The following SMYD4 variants were observed in gnomAD, a reference collection of about 807,000 sequenced individuals.
SMYD4 encodes protein-lysine N-methyltransferase SMYD4.
A neutral mutation model predicts 72.8 loss-of-function variants in SMYD4; 68 were observed. The ratio of observed to expected loss-of-function variants is 0.93; its 90% confidence interval spans 0.77 to 1.14. The LOEUF (loss-of-function observed/expected upper bound fraction) is 1.14. SMYD4 is among the 50% of genes most tolerant of loss of function. The pLI is 0.00. For missense variants in SMYD4, 984 were observed against 1,003.7 expected, an observed-to-expected ratio of 0.98 and a Z score of 0.27; for synonymous variants, 407 against 388.6, an observed-to-expected ratio of 1.05 and a Z score of -0.56.
chr17:1,805,788 G>A (rs186081497), intron 3 of SMYD4, among the ~76,000 whole-genome samples: 59 of 151,166 alleles, frequency 3.9e-4, no homozygotes, highest in African/African-American at 1.4e-3. Context: ...CTCCAGTCTG[G>A]GCAGCAGAGT....
chr17:1,793,974 C>A (rs1293144523), intron 5 of SMYD4, among the ~76,000 whole-genome samples: 1 of 126,392 alleles, frequency 7.9e-6, no homozygotes, highest in South Asian at 2.5e-4. Flanking sequence ...GCATCCACCA[C>A]CACGCTTGGC....
chr17:1,820,246 TTTG>T (rs1220339504), intron 2 of SMYD4, among the ~76,000 whole-genome samples: 6 of 152,240 alleles, frequency 3.9e-5, no homozygotes, highest in African/African-American at 1.2e-4. Context: ...TATGTTCTTT[TTTG>T]TTGTTTTTGA....
intron 8 of SMYD4, 105 bp from the exon 9 acceptor site, chr17:1,783,581 T>A (rs765370418): frequency 8.7e-6 from 13 of 1,496,288 alleles, no homozygotes; most frequent in Non-Finnish European, 1.2e-5. Flanking sequence ...AATGTGGAAA[T>A]TCCCCCTGGC....
At chr17:1,799,086 C>T (rs981549100) in intron 5 of SMYD4, among the ~76,000 whole-genome samples, 44 of 151,464 alleles carry the variant, frequency 2.9e-4, no homozygotes, top group African/African-American at 8.7e-4. Flanking sequence ...GGTGAAACCC[C>T]GTCTCTGCTA....
intron 10 of SMYD4, 119 bp downstream of exon 10, chr17:1,782,916 C>T: frequency 6.9e-7 from 1 of 1,456,992 alleles, no homozygotes. Context: ...AAGATCTCTC[C>T]TAAAGAGGAA....
chr17:1,784,684 T>G (rs1908557889), intron 7 of SMYD4: 1 of 551,912 alleles, frequency 1.8e-6, no homozygotes, highest in Admixed American at 6.4e-5. Flanking sequence ...TGAGATTTCA[T>G]TTTTGGAACA....
intron 4 of SMYD4, among the ~76,000 whole-genome samples, chr17:1,802,833 G>A (rs767046422): frequency 6.6e-6 from 1 of 152,142 alleles, no homozygotes; most frequent in Non-Finnish European, 1.5e-5. Context: ...ACATTAATCC[G>A]ATTTTGGTCA....
intron 3 of SMYD4, among the ~76,000 whole-genome samples, chr17:1,806,263 T>C (rs1001348968): frequency 1.3e-5 from 2 of 152,274 alleles, no homozygotes; most frequent in Admixed American, 1.3e-4. Flanking sequence ...TGTAAAGTAT[T>C]GCTGGACGAA....
At chr17:1,785,279 C>A (rs1348052080) in intron 7 of SMYD4, among the ~76,000 whole-genome samples, 1 of 148,192 alleles carries the variant, frequency 6.7e-6, no homozygotes, top group Non-Finnish European at 1.5e-5. Context: ...AAAAATTAGC[C>A]GGGCATGGTG....
At chr17:1,821,972 C>T (rs1419308232) in intron 2 of SMYD4, among the ~76,000 whole-genome samples, 2 of 150,212 alleles carry the variant, frequency 1.3e-5, no homozygotes, top group African/African-American at 4.9e-5. Context: ...TGCCTGTAAC[C>T]CCAGCACTTT....
intron 5 of SMYD4, among the ~76,000 whole-genome samples, chr17:1,788,893 G>C (rs1172069164): frequency 1.3e-5 from 2 of 152,176 alleles, no homozygotes; most frequent in Admixed American, 6.5e-5. Context: ...GTACAGTAAA[G>C]ATAACCTTGG....
chr17:1,801,526 C>A (rs1909754538), intron 4 of SMYD4, among the ~76,000 whole-genome samples: 1 of 150,692 alleles, frequency 6.6e-6, no homozygotes, highest in African/African-American at 2.4e-5. Flanking sequence ...AGGCATGAGC[C>A]ACTGCGCCCA....
intron 2 of SMYD4, among the ~76,000 whole-genome samples, chr17:1,825,361 A>G (rs1354784824): frequency 6.6e-6 from 1 of 152,150 alleles, no homozygotes; most frequent in Non-Finnish European, 1.5e-5. Context: ...AAGATGGAGG[A>G]AAAAGTGCAG....
chr17:1,787,654 G>T, intron 5 of SMYD4, 50 bp from the exon 6 acceptor site: 1 of 1,500,070 alleles, frequency 6.7e-7, no homozygotes, highest in Non-Finnish European at 8.9e-7. Context: ...CATGAGCCCT[G>T]GCCTTGCCCT....
At chr17:1,825,260 A>G (rs1394671716) in intron 2 of SMYD4, among the ~76,000 whole-genome samples, 1 of 152,224 alleles carries the variant, frequency 6.6e-6, no homozygotes, top group Non-Finnish European at 1.5e-5. Context: ...ATTCCTTCAC[A>G]TAGTACACAA....
intron 2 of SMYD4, among the ~76,000 whole-genome samples, chr17:1,815,208 T>C (rs767676857): frequency 1.6e-3 from 240 of 151,626 alleles, no homozygotes; most frequent in Middle Eastern, 6.8e-3. Context: ...GGATTACAGG[T>C]GCCCGCCACC....
intron 3 of SMYD4, among the ~76,000 whole-genome samples, chr17:1,805,515 A>T (rs543303513): frequency 1.3e-5 from 2 of 152,200 alleles, no homozygotes; most frequent in African/African-American, 4.8e-5. Flanking sequence ...TTACTCAGTA[A>T]AACTACTGGG....
intron 2 of SMYD4, among the ~76,000 whole-genome samples, chr17:1,825,787 G>T (rs956729938): frequency 6.6e-6 from 1 of 151,676 alleles, no homozygotes; most frequent in African/African-American, 2.4e-5. Flanking sequence ...ACAGGTATGA[G>T]CCACCGCACC....
At chr17:1,787,109 C>G (rs543589261) in intron 6 of SMYD4, 136 bp from the exon 7 acceptor site, 3 of 1,171,638 alleles carry the variant, frequency 2.6e-6, no homozygotes, top group East Asian at 2.6e-5. Flanking sequence ...ATTTGTGGAA[C>G]TGGATACTAA....
Sources: allele counts gnomAD v4.1 joint callset (sites outside exome capture counted in the v4.1 genomes callset), GRCh38; gene constraint gnomAD v4.1.1; transcripts MANE v1.5; gene names NCBI Gene and HGNC (gene_info 2026-07-23, HGNC 2026-07-21).